The following KATNA1 variants were observed in gnomAD, a reference collection of about 807,000 sequenced individuals.
KATNA1 encodes katanin p60 ATPase-containing subunit A1.
KATNA1 carries 42 observed loss-of-function variants against 62.6 expected under a neutral mutation model. The observed-to-expected ratio is 0.67, with a 90% CI of 0.52 to 0.87. The LOEUF is 0.87. Among genes scored for constraint, KATNA1 ranks in the 40% least tolerant of loss-of-function variants. The pLI, the probability that KATNA1 is intolerant of heterozygous loss-of-function variation, is 0.00. For missense variants in KATNA1, 498 were observed against 612.5 expected (o/e 0.81, Z 1.97); for synonymous variants, 186 against 201.9 (o/e 0.92, Z 0.67).
At chr6:149,627,938 C>T (rs1017411588) in intron 3 of KATNA1, among the ~76,000 whole-genome samples, 1 of 151,814 alleles carries the variant, frequency 6.6e-6, no homozygotes, top group Non-Finnish European at 1.5e-5. Flanking sequence ...TGTGGGGAAC[C>T]AGGTCTCATA....
At chr6:149,603,146 T>TA in intron 6 of KATNA1, 122 bp downstream of exon 6, 1 of 546,118 alleles carries the variant, frequency 1.8e-6, no homozygotes, top group Non-Finnish European at 3.3e-6. Flanking sequence ...ATATACCTTT[T>TA]AATTTAAACA....
At chr6:149,613,398 A>AAAGGC (rs1342335582) in intron 4 of KATNA1, among the ~76,000 whole-genome samples, 2 of 152,016 alleles carry the variant, frequency 1.3e-5, no homozygotes, top group African/African-American at 4.8e-5. Context: ...AGAGGAAATA[A>AAAGGC]AAGGCATAGA....
At chr6:149,644,399 T>C (rs528321785) in intron 1 of KATNA1, among the ~76,000 whole-genome samples, 30 of 151,884 alleles carry the variant, frequency 2.0e-4, no homozygotes, top group Non-Finnish European at 3.5e-4. Flanking sequence ...GGTGGGAGGA[T>C]TGCTTGAGCC....
At chr6:149,607,122 T>G (rs1278119880) in intron 4 of KATNA1, among the ~76,000 whole-genome samples, 3 of 152,218 alleles carry the variant, frequency 2.0e-5, no homozygotes, top group Non-Finnish European at 4.4e-5. Context: ...TCTCTTTCTC[T>G]TTCTTTTCTC....
chr6:149,607,895 GTC>G (rs945575954), intron 4 of KATNA1, among the ~76,000 whole-genome samples: 7 of 151,866 alleles, frequency 4.6e-5, no homozygotes, highest in Non-Finnish European at 7.4e-5. Context: ...ATGAAACCCC[GTC>G]TCTACTAACA....
At position 149,601,665 on chromosome 6, in the gene KATNA1, C is replaced by A. The variant is rs754949373; in HGVS notation, c.817G>T (p.Val273Phe). Reference sequence around the variant, plus strand: ...TTGGAAGTCAAAGTTGATGAAGAGACATTGAAGAATGTTGTCTTGCATTCT... The same window carrying A: ...TTGGAAGTCAAAGTTGATGAAGAGAAATTGAAGAATGTTGTCTTGCATTCT... Reference protein sequence around the residue: ...ATECKTTFFNVSSSTLTSKYR... With the variant: ...ATECKTTFFNFSSSTLTSKYR... Residue 273 changes from valine (V) to phenylalanine (F), a missense_variant, in exon 7 of 11, where the codon GTC (valine) becomes TTC (phenylalanine). Val to Phe is a conservative substitution (Grantham distance 50). Transcript: ENST00000367411. The A allele has an allele frequency of 6.2e-7, 1 of 1,612,934 alleles. No homozygotes were observed. The highest frequency in any genetic ancestry group is 8.5e-7 in the Non-Finnish European group (1 of 1,179,678).
intron 4 of KATNA1, among the ~76,000 whole-genome samples, chr6:149,617,645 C>T (rs1370995478): frequency 3.3e-5 from 5 of 150,224 alleles, no homozygotes; most frequent in Non-Finnish European, 7.4e-5. Flanking sequence ...ACTACAAATA[C>T]AAAATATTGC....
intron 10 of KATNA1, 128 bp from the exon 11 acceptor site, chr6:149,595,362 T>TATA: frequency 1.6e-6 from 1 of 608,520 alleles, no homozygotes; most frequent in Non-Finnish European, 2.8e-6. Context: ...ATATATGTAG[T>TATA]ATTGTATAGA....
intron 3 of KATNA1, among the ~76,000 whole-genome samples, chr6:149,624,918 GA>G (rs1779548455): frequency 6.6e-6 from 1 of 150,818 alleles, no homozygotes; most frequent in African/African-American, 2.4e-5. Flanking sequence ...ATGGCCTCAT[GA>G]AGACAGAAAA....
In KATNA1 at chr6:149,638,410, T is replaced by C. The variant is rs747468062; in HGVS notation, c.138A>G (p.Thr46=). ...MNKYLYSVKD[T]YLQQKWQQVW... is the part of the protein sequence containing the mutation. ...CCTGTTGCCATTTCTGCTGGAGGTA[T>C]GTATCTTTGACTGAGTACAGATACT... The change falls in exon 2 of 11, where the codon ACA becomes ACG. Residue 46 remains threonine, a synonymous_variant. Coordinates refer to ENST00000367411, the MANE Select transcript of KATNA1 (RefSeq NM_007044.4). 2 of 1,613,742 alleles carry C rather than the reference T, an allele frequency of 1.2e-6. No individual in the cohort carries two copies. Among genetic ancestry groups the C allele is most frequent in the Admixed American group, 1.7e-5 (1 of 59,848 alleles).
upstream of KATNA1, chr6:149,648,962 A>T (rs983958245): frequency 1.3e-5 from 2 of 152,168 alleles, no homozygotes; most frequent in African/African-American, 2.4e-5. Context: ...TCACACACAC[A>T]CCGAGGTCAG....
chr6:149,643,197 C>A lies in KATNA1; in HGVS notation c.-13-4637G>T, dbSNP rs145444085. 7.9e-5 allele frequency among the ~76,000 whole-genome samples: 12 copies of A among 152,342 alleles called. No homozygotes were observed. In the East Asian group the frequency reaches 2.3e-3, roughly 29 times the overall value. Reference sequence around the variant, plus strand: ...CCTCAGTCCACCAGCCCCTGAGGAACTGAATCCTGCCAACAACCATGTGAG... The same window carrying A: ...CCTCAGTCCACCAGCCCCTGAGGAAATGAATCCTGCCAACAACCATGTGAG... On this transcript the variant is annotated intron_variant, in intron 1 of 10. Coordinates refer to ENST00000367411, the MANE Select transcript of KATNA1 (RefSeq NM_007044.4).
At position 149,598,312 on chromosome 6, in the gene KATNA1, CTCA is replaced by C; in HGVS notation, c.924_926del (p.Asp308del). 1 of 1,613,776 alleles carries C rather than the reference CTCA, an allele frequency of 6.2e-7. No individual in the cohort carries two copies. On this transcript the variant is annotated inframe_deletion, in exon 8 of 11. Coordinates refer to ENST00000367411, the MANE Select transcript of KATNA1 (RefSeq NM_007044.4). ...CTCGGCGACTACAGATGGAGTCTATCTCATCAATAAATATGGTGGCTGGAGAAT... is the reference window on the plus strand; with the variant it reads ...CTCGGCGACTACAGATGGAGTCTATCTCAATAAATATGGTGGCTGGAGAAT...
At chr6:149,628,975 G>C (rs1779730704) in intron 3 of KATNA1, among the ~76,000 whole-genome samples, 2 of 152,078 alleles carry the variant, frequency 1.3e-5, no homozygotes, top group South Asian at 4.1e-4. Context: ...AAGTCAAAGA[G>C]GAAAACTTAC....
At chr6:149,612,528 G>A (rs1256935500) in intron 4 of KATNA1, among the ~76,000 whole-genome samples, 1 of 151,926 alleles carries the variant, frequency 6.6e-6, no homozygotes, top group African/African-American at 2.4e-5. Flanking sequence ...TTTTAAAAAA[G>A]AATTAAATCA....
chr6:149,630,230 T>C (rs1779778689), intron 3 of KATNA1, among the ~76,000 whole-genome samples: 1 of 152,232 alleles, frequency 6.6e-6, no homozygotes, highest in South Asian at 2.1e-4. Flanking sequence ...AATGTAATTA[T>C]GTGAAAGTGC....
chr6:149,596,221 AATT>A (rs1482790797), intron 10 of KATNA1, among the ~76,000 whole-genome samples: 1 of 152,154 alleles, frequency 6.6e-6, no homozygotes, highest in Non-Finnish European at 1.5e-5. Context: ...ACAAAACCAG[AATT>A]TGTGACCCTG....
chr6:149,647,521 C>CAAAA (rs10719474), intron 1 of KATNA1, among the ~76,000 whole-genome samples: 14 of 46,862 alleles, frequency 3.0e-4, no homozygotes, highest in African/African-American at 6.9e-4. Flanking sequence ...GACTCCGTCT[C>CAAAA]AAAAAAAAAA....
At chr6:149,627,961 C>T (rs1201775221) in intron 3 of KATNA1, among the ~76,000 whole-genome samples, 1 of 151,870 alleles carries the variant, frequency 6.6e-6, no homozygotes, top group Admixed American at 6.6e-5. Flanking sequence ...GCTTGAAAGA[C>T]ATGAAAACTC....
Sources: gnomAD v4.1 joint callset for allele counts (sites outside exome capture counted in the v4.1 genomes callset) on GRCh38, gnomAD v4.1.1 for gene constraint, MANE v1.5 for transcripts, NCBI Gene and HGNC (gene_info 2026-07-23, HGNC 2026-07-21) for gene names.